Variants in UMAD1 observed in about 807,000 individuals in gnomAD.
UMAD1 encodes UBAP1-MVB12-associated (UMA) domain containing 1.
UMAD1 carries 8 observed loss-of-function variants against 6.1 expected under a neutral mutation model. That is an observed-to-expected ratio of 1.30 (90% CI 0.76 to 2.35). UMAD1 has a LOEUF of 2.35. Ranked by LOEUF, UMAD1 falls within the 30% of genes most tolerant of loss-of-function variation. The probability of loss-of-function intolerance (pLI) is 0.00; values close to 1 mark genes in which losing one functional copy is unlikely to be tolerated. For synonymous variants in UMAD1, 56 were observed against 31.4 expected (o/e 1.78, Z -2.61); for missense variants, 130 against 78.4 (o/e 1.66, Z -2.49).
At chr7:7,647,732 G>A (rs935070770) in intron 1 of UMAD1, among the ~76,000 whole-genome samples, 1 of 152,188 alleles carries the variant, frequency 6.6e-6, no homozygotes, top group African/African-American at 2.4e-5. Flanking sequence ...GAGTAGCTGG[G>A]ACTGCAGGCA....
chr7:7,860,596 TA>T (rs1345485680), intron 3 of UMAD1, among the ~76,000 whole-genome samples: 3 of 41,330 alleles, frequency 7.3e-5, no homozygotes, highest in Non-Finnish European at 5.0e-5. Flanking sequence ...CTGTGTCTAC[TA>T]AAAATACAAA....
chr7:7,792,738 G>A (rs1047484647), intron 2 of UMAD1, among the ~76,000 whole-genome samples: 3 of 152,130 alleles, frequency 2.0e-5, no homozygotes, highest in African/African-American at 4.8e-5. Flanking sequence ...CATAAACCGC[G>A]TGGCTTACAA....
intron 1 of UMAD1, among the ~76,000 whole-genome samples, chr7:7,660,355 T>A (rs561991120): frequency 5.7e-4 from 87 of 152,356 alleles, no homozygotes; most frequent in African/African-American, 1.9e-3. Context: ...TTATGCCAGC[T>A]GGTTATTTTT....
intron 2 of UMAD1, among the ~76,000 whole-genome samples, chr7:7,799,854 A>G (rs1407035683): frequency 6.6e-6 from 1 of 152,164 alleles, no homozygotes; most frequent in Non-Finnish European, 1.5e-5. Flanking sequence ...CTCAAATATA[A>G]TTTTTATTAT....
At chr7:7,821,533 C>G (rs1025940644) in intron 3 of UMAD1, among the ~76,000 whole-genome samples, 6 of 152,102 alleles carry the variant, frequency 3.9e-5, no homozygotes, top group African/African-American at 1.4e-4. Flanking sequence ...TTAATATGTA[C>G]AGTAAATATC....
chr7:7,656,359 CA>C (rs1785343124), intron 1 of UMAD1, among the ~76,000 whole-genome samples: 1 of 150,890 alleles, frequency 6.6e-6, no homozygotes, highest in Non-Finnish European at 1.5e-5. Flanking sequence ...AGTACATGTA[CA>C]GAACGTGCAG....
intron 2 of UMAD1, among the ~76,000 whole-genome samples, chr7:7,697,909 G>C (rs1217674521): frequency 6.6e-6 from 1 of 152,112 alleles, no homozygotes; most frequent in African/African-American, 2.4e-5. Context: ...GGAAAATTTT[G>C]ATATTCCCTC....
At chr7:7,714,674 CTTA>C (rs1780848539) in intron 2 of UMAD1, among the ~76,000 whole-genome samples, 1 of 152,026 alleles carries the variant, frequency 6.6e-6, no homozygotes, top group Non-Finnish European at 1.5e-5. Flanking sequence ...ATAAGAAAGA[CTTA>C]GAACTCCATC....
At chr7:7,848,663 G>C (rs546144078) in intron 3 of UMAD1, among the ~76,000 whole-genome samples, 1 of 152,200 alleles carries the variant, frequency 6.6e-6, no homozygotes, top group East Asian at 1.9e-4. Flanking sequence ...ATCTTGCCTG[G>C]AAGGTGACAC....
chr7:7,751,342 T>A (rs1781674355), intron 2 of UMAD1, among the ~76,000 whole-genome samples: 1 of 151,850 alleles, frequency 6.6e-6, no homozygotes, highest in Admixed American at 6.6e-5. Flanking sequence ...TCAAGAATTG[T>A]AGAGAGAGAG....
intron 2 of UMAD1, among the ~76,000 whole-genome samples, chr7:7,789,628 C>CG (rs1554329016): frequency 6.6e-6 from 1 of 151,224 alleles, no homozygotes; most frequent in East Asian, 1.9e-4. Context: ...CTCCCCTCCC[C>CG]ACAGACCCTG....
At chr7:7,721,411 G>C (rs1008595047) in intron 2 of UMAD1, among the ~76,000 whole-genome samples, 28 of 152,124 alleles carry the variant, frequency 1.8e-4, no homozygotes, top group African/African-American at 6.3e-4. Context: ...TAAATGTTAA[G>C]GCACCTGCGT....
intron 2 of UMAD1, among the ~76,000 whole-genome samples, chr7:7,688,054 G>A (rs1414536887): frequency 6.6e-6 from 1 of 152,158 alleles, no homozygotes; most frequent in African/African-American, 2.4e-5. Context: ...TATGTTAGGG[G>A]TTCTTAACCC....
rs373270174 is a variant in UMAD1, at chr7:7,784,924, G to A, written c.83-16746G>A. Among the ~76,000 whole-genome samples, 12 of 151,962 alleles carry A rather than the reference G, an allele frequency of 7.9e-5. No homozygotes were observed. The South Asian group carries it at 1.2e-3, about 16-fold the overall frequency. ...ACTACAGGCGCCCGCCACCTCGCCC[G>A]GCTAATTTTTTGTATTTTTAGTAGA... On this transcript the variant is annotated intron_variant, in intron 2 of 3. Coordinates refer to ENST00000682710, the MANE Select transcript of UMAD1 (RefSeq NM_001302348.2).
intron 2 of UMAD1, among the ~76,000 whole-genome samples, chr7:7,752,413 A>T (rs1008696987): frequency 3.3e-5 from 5 of 152,154 alleles, no homozygotes; most frequent in African/African-American, 9.6e-5. Context: ...ATGTAACTAT[A>T]ATGAGCTTTA....
At chr7:7,742,739 A>C (rs1435463800) in intron 2 of UMAD1, among the ~76,000 whole-genome samples, 1 of 152,216 alleles carries the variant, frequency 6.6e-6, no homozygotes, top group African/African-American at 2.4e-5. Flanking sequence ...AATCAGCTTG[A>C]TTGATGAGAA....
intron 2 of UMAD1, among the ~76,000 whole-genome samples, chr7:7,681,697 C>T (rs1779916467): frequency 6.6e-6 from 1 of 152,030 alleles, no homozygotes; most frequent in African/African-American, 2.4e-5. Flanking sequence ...TTTTCATAGC[C>T]TTATACTACT....
At chr7:7,641,482 G>A (rs1784973073) in intron 1 of UMAD1, 1 of 152,164 alleles carries the variant, frequency 6.6e-6, no homozygotes, top group Admixed American at 6.6e-5. Flanking sequence ...TCTGACTTTT[G>A]GCCATATGTT....
chr7:7,806,772 A>G (rs1782925313), intron 3 of UMAD1, among the ~76,000 whole-genome samples: 1 of 152,216 alleles, frequency 6.6e-6, no homozygotes, highest in Non-Finnish European at 1.5e-5. Flanking sequence ...TTAAGAAATC[A>G]TAACTATTTG....
Sources: gnomAD v4.1 joint callset for allele counts (sites outside exome capture counted in the v4.1 genomes callset) on GRCh38, gnomAD v4.1.1 for gene constraint, MANE v1.5 for transcripts, NCBI Gene and HGNC (gene_info 2026-07-23, HGNC 2026-07-21) for gene names.